The following XKR5 variants were observed in gnomAD, a reference collection of about 807,000 sequenced individuals.
The protein encoded by XKR5 is XK-related protein 5.
Under a neutral mutation model 40.8 loss-of-function variants are expected in XKR5, and 46 were observed. The ratio of observed to expected loss-of-function variants is 1.13; its 90% CI spans 0.89 to 1.44. XKR5 has a LOEUF of 1.44. Among genes scored for constraint, XKR5 ranks in the 40% most tolerant of loss-of-function variants. The pLI is 0.00. For synonymous variants in XKR5, 466 were observed against 356.1 expected (o/e 1.31, Z -3.48); for missense variants, 1,169 against 844.7 (o/e 1.38, Z -4.76).
chr8:6,810,643 C>A lies in XKR5; in HGVS notation c.*555G>T, dbSNP rs963349959. On this transcript the variant is annotated 3_prime_UTR_variant, in exon 7 of 7. Transcript: ENST00000618742. ...AAAAGCTCTAATATTGTCCCCTAAC[C>A]AAAAGATATGGGAATCTTAGAATGA... is the stretch of plus-strand genomic sequence containing the variant. 2.0e-5 allele frequency: 3 copies of A among 152,482 alleles called. No individual in the cohort carries two copies. Among genetic ancestry groups the A allele is most frequent in the African/African-American group, 4.8e-5 (2 of 41,414 alleles). 9.4% of individuals were successfully genotyped at this position (152,482 alleles called of 1,614,324 possible). A position where few individuals can be genotyped will look rare whatever the true frequency, so the allele number is the denominator to read the frequency against.
rs28375784 is a variant in XKR5, at chr8:6,819,616, C to A, written c.807+2253G>T. ...GGAGGGGCCCAGACTCAGGTCTGGG[C>A]AGTGTGCATGGTGAAGTGCGAGGTG... On this transcript the variant is annotated intron_variant, in intron 5 of 6. Coordinates refer to ENST00000618742, the MANE Select transcript of XKR5 (RefSeq NM_207411.5). 5.4e-3 allele frequency among the ~76,000 whole-genome samples: 819 copies of A among 152,300 alleles called. 6 individuals are homozygous for A. Among genetic ancestry groups the A allele is most frequent in the African/African-American group, 0.019 (775 of 41,564 alleles).
chr8:6,812,481 A>G (rs1803777288), intron 6 of XKR5, 142 bp from the exon 7 acceptor site: 2 of 829,042 alleles, frequency 2.4e-6, no homozygotes, highest in Admixed American at 6.2e-5. Flanking sequence ...GAGCCTCAGA[A>G]CTGGATATTT....
chr8:6,823,950 C>T (rs1370584684), intron 3 of XKR5, among the ~76,000 whole-genome samples: 1 of 152,182 alleles, frequency 6.6e-6, no homozygotes, highest in African/African-American at 2.4e-5. Flanking sequence ...TGGGGATATG[C>T]AGGAAATATT....
Position 6,832,893 on chromosome 8 carries a change from G to A in XKR5, c.66C>T (p.Tyr22=), listed in dbSNP as rs1293693271. Residue 22 remains tyrosine (Y), a synonymous_variant, in exon 2 of 7, where the codon TAC becomes TAT. Transcript: ENST00000618742. The part of the protein sequence containing the change: ...LQAAEQSARL[Y]TVAYYFTTGR... ...CTGTGGTGAAGTAGTAAGCCACGGT[G>A]TAAAGGCCTGGGTGAGAAGGGGAAA... 3 of 1,584,760 alleles carry A rather than the reference G, an allele frequency of 1.9e-6. No homozygotes were observed. Among genetic ancestry groups the A allele is most frequent in the Admixed American group, 1.9e-5 (1 of 53,660 alleles).
intron 2 of XKR5, among the ~76,000 whole-genome samples, chr8:6,826,265 C>T (rs1361675287): frequency 6.6e-6 from 1 of 151,834 alleles, no homozygotes; most frequent in African/African-American, 2.4e-5. Context: ...TATGTGTGTG[C>T]ATGAAGGTAT....
chr8:6,828,607 C>G (rs1178202129), intron 2 of XKR5, among the ~76,000 whole-genome samples: 3 of 152,158 alleles, frequency 2.0e-5, no homozygotes, highest in South Asian at 2.1e-4. Context: ...GTCACTAGGT[C>G]CTATGAGATG....
In XKR5 at chr8:6,825,335, G is replaced by A; in HGVS notation, c.257C>T (p.Ala86Val). 6.3e-7 allele frequency: 1 copy of A among 1,576,266 alleles called. No homozygotes were observed. Among genetic ancestry groups the A allele is most frequent in the Non-Finnish European group, 8.6e-7 (1 of 1,165,290 alleles). ...CAGTTCCTTCTGCAGACTGGTCAGTGCAGCGTCCCAGTGCCTAGGGAACAG... is the reference window on the plus strand; with the variant it reads ...CAGTTCCTTCTGCAGACTGGTCAGTACAGCGTCCCAGTGCCTAGGGAACAG... ...LGVWKRHWDA[A>V]LTSLQKELEA... Residue 86 changes from alanine to valine, a missense_variant, in exon 3 of 7, where the codon GCA becomes GTA. Ala to Val is a moderately conservative substitution (Grantham distance 64). Coordinates refer to ENST00000618742, the MANE Select transcript of XKR5 (RefSeq NM_207411.5).
chr8:6,824,723 G>C (rs1424843388), intron 3 of XKR5, among the ~76,000 whole-genome samples: 1 of 151,958 alleles, frequency 6.6e-6, no homozygotes, highest in Non-Finnish European at 1.5e-5. Flanking sequence ...GTAGAGATGG[G>C]TTTTTGCCTG....
At chr8:6,812,827 CAG>C (rs1311313206) in intron 6 of XKR5, among the ~76,000 whole-genome samples, 6 of 152,210 alleles carry the variant, frequency 3.9e-5, no homozygotes, top group Non-Finnish European at 7.3e-5. Flanking sequence ...AAGACCTAAA[CAG>C]AGGTTAATCA....
chr8:6,834,727 A>G (rs1026274966), intron 1 of XKR5, among the ~76,000 whole-genome samples: 2 of 146,610 alleles, frequency 1.4e-5, no homozygotes, highest in Admixed American at 6.7e-5. Flanking sequence ...AGCCCGGCGG[A>G]AGTGGGCGGA....
At chr8:6,817,535 C>G (rs1404133110) in intron 5 of XKR5, among the ~76,000 whole-genome samples, 1 of 151,896 alleles carries the variant, frequency 6.6e-6, no homozygotes. Flanking sequence ...AAACACTGAC[C>G]GAGTTTCCAG....
intron 5 of XKR5, among the ~76,000 whole-genome samples, chr8:6,817,107 G>T (rs755983270): frequency 1.3e-5 from 2 of 151,916 alleles, no homozygotes; most frequent in African/African-American, 2.4e-5. Flanking sequence ...TGTCTTTCCC[G>T]CCATTTCCGT....
Position 6,811,519 on chromosome 8 carries a change from A to G in XKR5, c.1740T>C (p.Pro580=). Residue 580 remains proline, a synonymous_variant, in exon 7 of 7, where the codon CCT becomes CCC. Coordinates refer to ENST00000618742, the MANE Select transcript of XKR5 (RefSeq NM_207411.5). ...RRLGKSSPAQ[P]ASPHPVGLAP... ...CCAAGCCCACTGGGTGGGGCGATGCAGGCTGGGCAGGGCTGCTCTTTCCCA... is the reference window on the plus strand; with the variant it reads ...CCAAGCCCACTGGGTGGGGCGATGCGGGCTGGGCAGGGCTGCTCTTTCCCA... The G allele has an allele frequency of 6.5e-7, 1 of 1,531,316 alleles. No homozygotes were observed. Among genetic ancestry groups the G allele is most frequent in the Non-Finnish European group, 8.7e-7 (1 of 1,143,504 alleles). 94.9% of individuals were successfully genotyped at this position (1,531,316 alleles called of 1,614,324 possible). A position where few individuals can be genotyped will look rare whatever the true frequency, so the allele number is the denominator to read the frequency against.
chr8:6,832,997 A>G, intron 1 of XKR5, 97 bp from the exon 2 acceptor site: 1 of 1,145,702 alleles, frequency 8.7e-7, no homozygotes, highest in Non-Finnish European at 1.2e-6. Context: ...GGATGTTATG[A>G]TGTTCTGACC....
intron 5 of XKR5, among the ~76,000 whole-genome samples, 184 bp from the exon 6 acceptor site, chr8:6,816,102 G>C (rs1005765482): frequency 7.2e-5 from 11 of 152,104 alleles, no homozygotes; most frequent in African/African-American, 2.7e-4. Flanking sequence ...GGCAAAGAGA[G>C]AGCCACCCTG....
intron 2 of XKR5, among the ~76,000 whole-genome samples, chr8:6,829,568 T>G (rs1285724582): frequency 1.3e-5 from 2 of 152,216 alleles, no homozygotes; most frequent in Admixed American, 6.5e-5. Flanking sequence ...TAGGTTGGAG[T>G]GCAGTGGCGT....
At chr8:6,816,701 A>C (rs894883138) in intron 5 of XKR5, among the ~76,000 whole-genome samples, 11 of 147,332 alleles carry the variant, frequency 7.5e-5, no homozygotes, top group Non-Finnish European at 4.5e-5. Flanking sequence ...AAAATAATTT[A>C]ATTTTATTTA....
rs369507124 is a variant in XKR5 at position 6,811,599 on chromosome 8, A to T, written c.1660T>A (p.Ser554Thr). 1.3e-6 allele frequency: 2 copies of T among 1,537,150 alleles called. No individual in the cohort carries two copies. Among genetic ancestry groups the T allele is most frequent in the African/African-American group, 1.4e-5 (1 of 73,002 alleles). ...GTAGCTGGGCTGCCTTCTTGTTGTG[A>T]GGATGTGGCCACTTCTGCAGTGGCG... ...FSATAEVATSSQQEGSPATLQ... is the reference protein window; with the variant it reads ...FSATAEVATSTQQEGSPATLQ... The change falls in exon 7 of 7, where the codon TCA becomes ACA. Residue 554 changes from serine (S) to threonine (T), a missense_variant. By Grantham distance (58) the Ser-to-Thr change is moderately conservative. Transcript: ENST00000618742.
intron 5 of XKR5, among the ~76,000 whole-genome samples, chr8:6,819,498 G>C (rs1804126135): frequency 6.6e-6 from 1 of 152,218 alleles, no homozygotes; most frequent in Non-Finnish European, 1.5e-5. Context: ...ATGGAGTTTA[G>C]CTGGGGGTGT....
Sources: gnomAD v4.1 joint callset for allele counts (sites outside exome capture counted in the v4.1 genomes callset) on GRCh38, gnomAD v4.1.1 for gene constraint, MANE v1.5 for transcripts, NCBI Gene and HGNC (gene_info 2026-07-23, HGNC 2026-07-21) for gene names.